MTMR1: variants seen among roughly 807,000 people sequenced by gnomAD.
MTMR1 encodes the protein phosphatidylinositol-3-phosphate phosphatase MTMR1.
A neutral mutation model predicts 51.6 loss-of-function variants in MTMR1; 17 were observed. The observed-to-expected ratio is 0.33, with a 90% CI of 0.23 to 0.49. The LOEUF is 0.49. Among genes scored for constraint, MTMR1 ranks in the 20% least tolerant of loss-of-function variants. The pLI, the probability that MTMR1 is intolerant of heterozygous loss-of-function variation, is 0.99. For missense variants in MTMR1, 386 were observed against 526.9 expected (o/e 0.73, Z 2.62); for synonymous variants, 201 against 205.6 (o/e 0.98, Z 0.19).
chrX:150,762,446 C>G, intron 15 of MTMR1, 119 bp from the exon 16 acceptor site: 1 of 942,627 alleles, frequency 1.1e-6, no homozygotes, highest in Non-Finnish European at 1.5e-6. Context: ...CCTCAGGAGA[C>G]TTTGGCCGCT....
Position 150,718,650 on chromosome X carries a change from C to G in MTMR1, c.302C>G (p.Ala101Gly). 9.6e-7 allele frequency: 1 copy of G among 1,042,332 alleles called. No individual in the cohort carries two copies. The highest frequency in any genetic ancestry group is 1.3e-6 in the Non-Finnish European group (1 of 789,552). The allele number at this position is 1,042,332 out of a possible 1,213,427, so 85.9% of individuals were successfully genotyped here. The change falls in exon 4 of 16, where the codon GCA (alanine) becomes GGA (glycine). Residue 101 changes from alanine (A) to glycine (G), a missense_variant. Ala to Gly is a moderately conservative substitution (Grantham distance 60). Coordinates refer to ENST00000445323, the MANE Select transcript of MTMR1 (RefSeq NM_001306144.3). ...LRALRDGNKL[A>G]QMEEAPLFPG... ...GCTCTAAGGGATGGAAATAAGCTGGCACAGATGGAAGAGGCTCCACTTTTC... is the reference window on the plus strand; with the variant it reads ...GCTCTAAGGGATGGAAATAAGCTGGGACAGATGGAAGAGGCTCCACTTTTC...
chrX:150,749,208 A>G lies in MTMR1; in HGVS notation c.1567-1522A>G, dbSNP rs1236929371. 5.4e-5 allele frequency among the ~76,000 whole-genome samples: 6 copies of G among 112,120 alleles called. No homozygotes were observed. In the Admixed American group the frequency reaches 5.6e-4, roughly 11 times the overall value. ...ATAGCCTGGTGAAGAAAACAGTTTCAGGTGGAGTTTGGACAGTCCTGGATT... is the reference window on the plus strand; with the variant it reads ...ATAGCCTGGTGAAGAAAACAGTTTCGGGTGGAGTTTGGACAGTCCTGGATT... On this transcript the variant is annotated intron_variant, in intron 13 of 15. Coordinates refer to ENST00000445323, the MANE Select transcript of MTMR1 (RefSeq NM_001306144.3).
intron 6 of MTMR1, among the ~76,000 whole-genome samples, chrX:150,729,647 C>A (rs1418224652): frequency 8.9e-6 from 1 of 112,252 alleles, no homozygotes; most frequent in Non-Finnish European, 1.9e-5. Flanking sequence ...ATTTCAGGCA[C>A]CCACTGTGGC....
At position 150,698,231 on chromosome X, in the gene MTMR1, T is replaced by C. The variant is rs782164201; in HGVS notation, c.147-964T>C. On this transcript the variant is annotated intron_variant, in intron 1 of 15. Coordinates refer to ENST00000445323, the MANE Select transcript of MTMR1 (RefSeq NM_001306144.3). ...TTGCTTGAACCCAGAAGGGCAAAGT[T>C]TGCAGTGAGCCGAGATCGCGCCACT... Among the ~76,000 whole-genome samples the C allele has an allele frequency of 2.7e-5, 3 of 110,234 alleles. No homozygotes were observed. In the South Asian group the frequency reaches 1.2e-3, roughly 43 times the overall value.
At chrX:150,708,027 A>G (rs2041174525) in intron 2 of MTMR1, among the ~76,000 whole-genome samples, 1 of 112,369 alleles carries the variant, frequency 8.9e-6, no homozygotes, top group Non-Finnish European at 1.9e-5. Context: ...TGGCAAAATG[A>G]TAGAAATAAA....
intron 14 of MTMR1, among the ~76,000 whole-genome samples, chrX:150,755,161 T>C (rs2042869620): frequency 9.0e-6 from 1 of 111,439 alleles, no homozygotes. Context: ...CTCAAGCAAT[T>C]CTGCCACCTC....
intron 12 of MTMR1, among the ~76,000 whole-genome samples, chrX:150,741,776 A>G (rs996384071): frequency 2.5e-4 from 28 of 112,404 alleles, no homozygotes; most frequent in African/African-American, 9.1e-4. Context: ...GAATGATCCT[A>G]AATTGTGAAC....
At chrX:150,698,994 T>A (rs1200114238) in intron 1 of MTMR1, among the ~76,000 whole-genome samples, 1 of 112,465 alleles carries the variant, frequency 8.9e-6, no homozygotes, top group Non-Finnish European at 1.9e-5. Context: ...AATTGGGTGA[T>A]TCATTTAAAA....
intron 1 of MTMR1, among the ~76,000 whole-genome samples, chrX:150,696,646 A>G (rs2040686613): frequency 9.0e-6 from 1 of 111,496 alleles, no homozygotes; most frequent in Non-Finnish European, 1.9e-5. Flanking sequence ...AGACAGGAGG[A>G]GAGATGGCCA....
Position 150,718,614 on chromosome X carries a change from T to TTTTTTTTTTTTC in MTMR1, c.277-6_277-5insTTTTTTCTTTTT. 1 of 668,079 alleles carries TTTTTTTTTTTTC rather than the reference T, an allele frequency of 1.5e-6. No homozygotes were observed. Among genetic ancestry groups the TTTTTTTTTTTTC allele is most frequent in the Non-Finnish European group, 2.0e-6 (1 of 490,047 alleles). 55.1% of individuals were successfully genotyped at this position (668,079 alleles called of 1,213,427 possible). The stretch of plus-strand genomic sequence containing the variant: ...TTTTTTTTTTTTTTTTTTTTTTTTT[T>TTTTTTTTTTTTC]TTTTTGCCAGGCTCTAAGGGATGGA... On this transcript the variant is annotated splice_polypyrimidine_tract_variant and intron_variant, in intron 3 of 15. Coordinates refer to ENST00000445323, the MANE Select transcript of MTMR1 (RefSeq NM_001306144.3).
intron 2 of MTMR1, among the ~76,000 whole-genome samples, chrX:150,703,520 C>T (rs1557415994): frequency 2.7e-5 from 3 of 111,986 alleles, no homozygotes; most frequent in Non-Finnish European, 5.6e-5. Flanking sequence ...TATCTCTTCT[C>T]TAAACATTCT....
Position 150,711,562 on chromosome X carries a change from G to A in MTMR1, c.253-780G>A, listed in dbSNP as rs1399494141. On this transcript the variant is annotated intron_variant, in intron 2 of 15. Coordinates refer to ENST00000445323, the MANE Select transcript of MTMR1 (RefSeq NM_001306144.3). Reference sequence around the variant, plus strand: ...TCCCTCTGACCAGGGCTTTCTGAGTGTGTATGCTGCATGTTCAATTAGGAT... The same window carrying A: ...TCCCTCTGACCAGGGCTTTCTGAGTATGTATGCTGCATGTTCAATTAGGAT... Among the ~76,000 whole-genome samples the A allele has an allele frequency of 4.5e-5, 5 of 112,330 alleles. No individual in the cohort carries two copies. In the East Asian group the frequency reaches 1.4e-3, roughly 31 times the overall value.
chrX:150,710,963 C>T (rs1406794665), intron 2 of MTMR1, among the ~76,000 whole-genome samples: 2 of 112,274 alleles, frequency 1.8e-5, no homozygotes, highest in Non-Finnish European at 3.8e-5. Context: ...AAAAATAGAT[C>T]TAGTTAAGTG....
At position 150,727,759 on chromosome X, in the gene MTMR1, G is replaced by A; in HGVS notation, c.523G>A (p.Asp175Asn). 8.3e-7 allele frequency: 1 copy of A among 1,209,575 alleles called. No homozygotes were observed. Among genetic ancestry groups the A allele is most frequent in the Non-Finnish European group, 1.1e-6 (1 of 893,577 alleles). Reference sequence around the variant, plus strand: ...GAAGATTGGAGCACAGAGCCATGGAGACAATTCCTGTGGTATAGAGATAGT... The same window carrying A: ...GAAGATTGGAGCACAGAGCCATGGAAACAATTCCTGTGGTATAGAGATAGT... ...VEKIGAQSHGDNSCGIEIVCK... is the reference protein window; with the variant it reads ...VEKIGAQSHGNNSCGIEIVCK... Residue 175 changes from aspartate (D) to asparagine (N), a missense_variant, in exon 6 of 16, where the codon GAC (aspartate) becomes AAC (asparagine). Transcript: ENST00000445323.
intron 3 of MTMR1, chrX:150,712,909 T>A: frequency 1.1e-6 from 1 of 912,330 alleles, no homozygotes; most frequent in Non-Finnish European, 1.4e-6. Flanking sequence ...TTACAGCTTA[T>A]ATTTTCCTCA....
chrX:150,710,345 GT>G (rs2041264463), intron 2 of MTMR1, among the ~76,000 whole-genome samples: 1 of 111,152 alleles, frequency 9.0e-6, no homozygotes, highest in Non-Finnish European at 1.9e-5. Flanking sequence ...GTTTTTTTCT[GT>G]TTTTGTTGTT....
At chrX:150,759,418 G>GT (rs1557417880) in intron 15 of MTMR1, among the ~76,000 whole-genome samples, 36 of 100,990 alleles carry the variant, frequency 3.6e-4, no homozygotes, top group African/African-American at 1.2e-3. Flanking sequence ...TTGGTGGAGT[G>GT]TCATGAACAT....
intron 3 of MTMR1, among the ~76,000 whole-genome samples, chrX:150,717,504 C>T (rs1480174824): frequency 2.7e-5 from 3 of 110,346 alleles, no homozygotes; most frequent in African/African-American, 6.6e-5. Flanking sequence ...CTATGAAATA[C>T]AGCTTTGGAA....
intron 11 of MTMR1, 81 bp downstream of exon 11, chrX:150,736,861 C>G: frequency 1.1e-6 from 1 of 938,697 alleles, no homozygotes; most frequent in Non-Finnish European, 1.4e-6. Context: ...TCTCCAAGTG[C>G]CTCTTGGCTG....
Sources: allele counts gnomAD v4.1 joint callset (sites outside exome capture counted in the v4.1 genomes callset), GRCh38; gene constraint gnomAD v4.1.1; transcripts MANE v1.5; gene names NCBI Gene and HGNC (gene_info 2026-07-23, HGNC 2026-07-21).